DCAF7: variants seen among roughly 807,000 people sequenced by gnomAD.
The protein encoded by DCAF7 is DDB1 and CUL4 associated factor 7.
Under a neutral mutation model 41.2 loss-of-function variants are expected in DCAF7, and 4 were observed. That is an observed-to-expected ratio of 0.10 (90% CI 0.05 to 0.22). DCAF7 has a LOEUF of 0.22. Ranked by LOEUF, DCAF7 falls within the 10% of genes least tolerant of loss-of-function variation. The pLI is 1.00. For missense variants in DCAF7, 131 were observed against 443.2 expected (o/e 0.30, Z 6.32); for synonymous variants, 143 against 164.2 (o/e 0.87, Z 0.99).
intron 1 of DCAF7, among the ~76,000 whole-genome samples, chr17:63,570,112 G>T (rs1470293237): frequency 6.6e-6 from 1 of 152,114 alleles, no homozygotes; most frequent in African/African-American, 2.4e-5. Flanking sequence ...GGTGGGGAGG[G>T]TGATTCATTA....
chr17:63,572,897 G>A (rs894929553), intron 1 of DCAF7, among the ~76,000 whole-genome samples: 4 of 152,038 alleles, frequency 2.6e-5, no homozygotes, highest in African/African-American at 9.7e-5. Context: ...CAATTAGCTG[G>A]GACTACAGGC....
At chr17:63,583,407 C>A in intron 4 of DCAF7, 95 bp from the exon 5 acceptor site, 3 of 1,082,378 alleles carry the variant, frequency 2.8e-6, no homozygotes, top group Non-Finnish European at 4.2e-6. Context: ...GTGTCATGAG[C>A]GAGGTTTAGA....
intron 1 of DCAF7, among the ~76,000 whole-genome samples, chr17:63,572,043 A>G (rs2147769878): frequency 6.6e-6 from 1 of 152,278 alleles, no homozygotes; most frequent in South Asian, 2.1e-4. Context: ...TTCATGAGGC[A>G]CTATGGGATT....
chr17:63,557,874 T>A (rs1461332256), intron 1 of DCAF7, among the ~76,000 whole-genome samples: 1 of 152,188 alleles, frequency 6.6e-6, no homozygotes, highest in East Asian at 1.9e-4. Flanking sequence ...ATTTCTTTTT[T>A]AAAAAATTTA....
At chr17:63,561,803 CTG>C (rs777997469) in intron 1 of DCAF7, among the ~76,000 whole-genome samples, 17 of 151,844 alleles carry the variant, frequency 1.1e-4, no homozygotes, top group South Asian at 1.0e-3. Context: ...TTTACAAAAA[CTG>C]TGTATTTAGA....
At chr17:63,554,508 G>T (rs1376172796) in intron 1 of DCAF7, among the ~76,000 whole-genome samples, 3 of 152,240 alleles carry the variant, frequency 2.0e-5, no homozygotes, top group Non-Finnish European at 4.4e-5. Context: ...CCTAAACATT[G>T]GTTCTGCCCT....
chr17:63,563,435 A>G (rs2033405204), intron 1 of DCAF7, among the ~76,000 whole-genome samples: 1 of 152,246 alleles, frequency 6.6e-6, no homozygotes, highest in African/African-American at 2.4e-5. Flanking sequence ...GTTGGTGTCT[A>G]TTAAAATTTA....
intron 1 of DCAF7, among the ~76,000 whole-genome samples, chr17:63,557,504 CA>C (rs574485259): frequency 7.3e-4 from 98 of 134,542 alleles, no homozygotes; most frequent in Middle Eastern, 3.6e-3. Flanking sequence ...GTGAGACTGT[CA>C]AAAAAAAAAA....
In DCAF7 at chr17:63,592,998, G is replaced by A. The variant is rs2033750049; in HGVS notation, c.*3826G>A. 1.3e-5 allele frequency: 2 copies of A among 152,292 alleles called. No individual in the cohort carries two copies. Among genetic ancestry groups the A allele is most frequent in the African/African-American group, 4.8e-5 (2 of 41,450 alleles). 9.4% of individuals were successfully genotyped at this position (152,292 alleles called of 1,614,324 possible). On this transcript the variant is annotated 3_prime_UTR_variant, in exon 7 of 7. Transcript: ENST00000614556. ...TCCTGGGCTGTGAAGACATGTAGCAGCTGCAGGGTTTACCACACGTGGGAG... is the reference window on the plus strand; with the variant it reads ...TCCTGGGCTGTGAAGACATGTAGCAACTGCAGGGTTTACCACACGTGGGAG...
At chr17:63,579,674 G>A (rs777255268) in intron 3 of DCAF7, 151 bp from the exon 4 acceptor site, 58 of 707,494 alleles carry the variant, frequency 8.2e-5, no homozygotes, top group Non-Finnish European at 1.3e-4. Flanking sequence ...AGACTTGACT[G>A]CCTCGGTGGC....
At chr17:63,585,668 C>T (rs1046511913) in intron 6 of DCAF7, among the ~76,000 whole-genome samples, 1 of 152,204 alleles carries the variant, frequency 6.6e-6, no homozygotes, top group Non-Finnish European at 1.5e-5. Flanking sequence ...ATAACAGAAT[C>T]TTTGGGACTG....
Position 63,589,276 on chromosome 17 carries a change from C to G in DCAF7, c.*104C>G. 1 of 1,453,998 alleles carries G rather than the reference C, an allele frequency of 6.9e-7. No homozygotes were observed. The highest frequency in any genetic ancestry group is 9.5e-7 in the Non-Finnish European group (1 of 1,056,460). 90.1% of individuals were successfully genotyped at this position (1,453,998 alleles called of 1,614,324 possible). On this transcript the variant is annotated 3_prime_UTR_variant, in exon 7 of 7. Transcript: ENST00000614556. ...TGTTTCCAGTGGCCAGTATGTCTTT[C>G]ATTGCTTTGCACCCACTGTTACCAG...
chr17:63,559,167 C>T (rs561617424), intron 1 of DCAF7, among the ~76,000 whole-genome samples: 6 of 150,932 alleles, frequency 4.0e-5, no homozygotes, highest in Non-Finnish European at 7.4e-5. Context: ...AAAAATTAGC[C>T]AGGCATGGTG....
intron 1 of DCAF7, among the ~76,000 whole-genome samples, chr17:63,559,425 A>G (rs372954677): frequency 0.23 from 23,274 of 102,384 alleles, 2,790 homozygotes; most frequent in Middle Eastern, 0.37. Context: ...ATATACGTAT[A>G]TATATATGTG....
At chr17:63,585,905 T>G (rs1278072793) in intron 6 of DCAF7, among the ~76,000 whole-genome samples, 5 of 151,792 alleles carry the variant, frequency 3.3e-5, no homozygotes, top group African/African-American at 1.2e-4. Context: ...GTGGATCACC[T>G]GAGGTCAGGA....
At position 63,579,899 on chromosome 17, in the gene DCAF7, G is replaced by C; in HGVS notation, c.484G>C (p.Val162Leu). The C allele has an allele frequency of 6.2e-7, 1 of 1,613,892 alleles. No individual in the cohort carries two copies. Among genetic ancestry groups the C allele is most frequent in the Admixed American group, 1.7e-5 (1 of 60,024 alleles). ...GCAGGTGTTAGGGCGAGTGAATCTC[G>C]TGTCTGGCCACGTGAAGACCCAGCT... is the stretch of plus-strand genomic sequence containing the variant. ...TGQVLGRVNL[V>L]SGHVKTQLIA... The change falls in exon 4 of 7, where the codon GTG becomes CTG. Residue 162 changes from valine to leucine, a missense_variant. Val to Leu is a conservative substitution (Grantham distance 32, BLOSUM62 1). Coordinates refer to ENST00000614556, the MANE Select transcript of DCAF7 (RefSeq NM_005828.5).
intron 1 of DCAF7, among the ~76,000 whole-genome samples, chr17:63,559,419 A>G (rs532771124): frequency 0.042 from 4,575 of 109,448 alleles, 446 homozygotes; most frequent in African/African-American, 0.19. Context: ...GTATATATAT[A>G]CGTATATATA....
rs531156701 is a variant in DCAF7, at chr17:63,553,997, AGTTTGATACCAACCTG to A, written c.138+3184_138+3199del. On this transcript the variant is annotated intron_variant, in intron 1 of 6. Transcript: ENST00000614556. Reference sequence around the variant, plus strand: ...GATGGGAGAATCGCTTGAGCCCGGGAGTTTGATACCAACCTGGGCAACATGGAGAAACCCTGACTCT... The same window carrying A: ...GATGGGAGAATCGCTTGAGCCCGGGAGGCAACATGGAGAAACCCTGACTCT... 6.4e-4 allele frequency among the ~76,000 whole-genome samples: 98 copies of A among 152,264 alleles called. 1 individual carries two copies. Among genetic ancestry groups the A allele is most frequent in the African/African-American group, 2.3e-3 (94 of 41,540 alleles).
At chr17:63,551,891 C>CAAAAAAATAAAAAAAAAA (rs2033259162) in intron 1 of DCAF7, among the ~76,000 whole-genome samples, 1 of 27,280 alleles carries the variant, frequency 3.7e-5, no homozygotes, top group Non-Finnish European at 8.0e-5. Flanking sequence ...TACTAAAATA[C>CAAAAAAATAAAAAAAAAA]AAAAAAAAAA....
Sources: gnomAD v4.1 joint callset for allele counts (sites outside exome capture counted in the v4.1 genomes callset) on GRCh38, gnomAD v4.1.1 for gene constraint, MANE v1.5 for transcripts, NCBI Gene and HGNC (gene_info 2026-07-23, HGNC 2026-07-21) for gene names.